AGBL4: variants seen among roughly 807,000 people sequenced by gnomAD.
AGBL4 encodes cytosolic carboxypeptidase 6.
Under a neutral mutation model 66.4 loss-of-function variants are expected in AGBL4, and 58 were observed. The ratio of observed to expected loss-of-function variants is 0.87; its 90% CI spans 0.71 to 1.09. The LOEUF (loss-of-function observed/expected upper bound fraction) is 1.09. Ranked by LOEUF, AGBL4 falls within the 50% of genes least tolerant of loss-of-function variation. AGBL4 has a pLI of 0.00. For missense variants in AGBL4, 579 were observed against 631.0 expected (o/e 0.92, Z 0.88); for synonymous variants, 234 against 222.9 (o/e 1.05, Z -0.44).
At chr1:48,717,219 A>G (rs568911768) in intron 6 of AGBL4, among the ~76,000 whole-genome samples, 1 of 152,284 alleles carries the variant, frequency 6.6e-6, no homozygotes, top group Admixed American at 6.5e-5. Flanking sequence ...ACATTACTGA[A>G]GCCTCTTTTG....
chr1:48,577,371 G>A (rs1644671080), intron 11 of AGBL4, among the ~76,000 whole-genome samples: 1 of 152,186 alleles, frequency 6.6e-6, no homozygotes, highest in Admixed American at 6.5e-5. Context: ...CATCGACTTG[G>A]TTTCCATGGA....
intron 2 of AGBL4, among the ~76,000 whole-genome samples, chr1:49,764,781 A>G (rs568757995): frequency 6.6e-6 from 1 of 152,172 alleles, no homozygotes; most frequent in African/African-American, 2.4e-5. Context: ...AAAGTTATCT[A>G]ATTCAGGCTG....
At chr1:49,635,041 C>G (rs1359073855) in intron 3 of AGBL4, among the ~76,000 whole-genome samples, 1 of 152,128 alleles carries the variant, frequency 6.6e-6, no homozygotes, top group Non-Finnish European at 1.5e-5. Flanking sequence ...TGGATTCAGG[C>G]TAAAGATCAG....
intron 5 of AGBL4, among the ~76,000 whole-genome samples, chr1:49,017,585 C>T (rs1237011642): frequency 6.6e-6 from 1 of 152,048 alleles, no homozygotes; most frequent in Non-Finnish European, 1.5e-5. Flanking sequence ...TCCAAAAAAC[C>T]CTGATGGATT....
intron 2 of AGBL4, among the ~76,000 whole-genome samples, chr1:49,701,476 T>C (rs1397357967): frequency 6.6e-6 from 1 of 152,090 alleles, no homozygotes; most frequent in African/African-American, 2.4e-5. Context: ...TATATAGTTA[T>C]CTCCAAACTC....
intron 3 of AGBL4, among the ~76,000 whole-genome samples, chr1:49,284,457 G>A (rs1644357558): frequency 6.6e-6 from 1 of 151,780 alleles, no homozygotes. Flanking sequence ...GGAAGAAACT[G>A]CATCAACTAA....
At chr1:48,742,560 T>C in intron 6 of AGBL4, 1 of 1,380,712 alleles carries the variant, frequency 7.2e-7, no homozygotes, top group East Asian at 2.7e-5. Flanking sequence ...CCCACCATAC[T>C]CTCCACCTTT....
intron 9 of AGBL4, among the ~76,000 whole-genome samples, chr1:48,601,076 G>C (rs953906549): frequency 1.3e-5 from 2 of 152,244 alleles, no homozygotes; most frequent in Middle Eastern, 3.4e-3. Context: ...TCTGCCTCCT[G>C]CTCCCTTCAG....
At chr1:49,293,028 C>T (rs891949847) in intron 3 of AGBL4, among the ~76,000 whole-genome samples, 5 of 152,238 alleles carry the variant, frequency 3.3e-5, no homozygotes, top group Non-Finnish European at 7.3e-5. Flanking sequence ...AAGCCCAGAC[C>T]TGGGAGCTCC....
At chr1:48,690,696 A>G (rs913900346) in intron 6 of AGBL4, among the ~76,000 whole-genome samples, 4 of 152,144 alleles carry the variant, frequency 2.6e-5, no homozygotes. Context: ...TTTGAACATA[A>G]TCAATGTTGG....
At chr1:49,921,362 T>A (rs1652224530) in intron 1 of AGBL4, among the ~76,000 whole-genome samples, 2 of 152,134 alleles carry the variant, frequency 1.3e-5, no homozygotes, top group African/African-American at 4.8e-5. Flanking sequence ...TGCAATTCAA[T>A]ATATCAAACG....
chr1:49,061,969 G>A (rs1252916868), intron 4 of AGBL4, among the ~76,000 whole-genome samples: 2 of 152,148 alleles, frequency 1.3e-5, no homozygotes, highest in Non-Finnish European at 2.9e-5. Context: ...GGTGAGCTGT[G>A]GGCGAGCAAG....
In AGBL4 at chr1:50,023,699, G is replaced by A. The variant is rs554329177; in HGVS notation, c.34+64C>T. The stretch of plus-strand genomic sequence containing the variant: ...GAGTAGGACCATGCCCGAGTCCCCT[G>A]TTGCCTGAGACCCAGGACAGCCTGG... On this transcript the variant is annotated intron_variant, in intron 1 of 13. Coordinates refer to ENST00000371839, the MANE Select transcript of AGBL4 (RefSeq NM_032785.4). 4.2e-4 allele frequency: 630 copies of A among 1,516,802 alleles called. 3 individuals carry two copies. The East Asian group carries it at 0.015, about 37-fold the overall frequency. 94.0% of individuals were successfully genotyped at this position (1,516,802 alleles called of 1,614,324 possible). A position where few individuals can be genotyped will look rare whatever the true frequency, so the allele number is the denominator to read the frequency against.
intron 4 of AGBL4, among the ~76,000 whole-genome samples, chr1:49,058,364 A>G (rs1644343280): frequency 1.3e-5 from 2 of 152,050 alleles, no homozygotes; most frequent in South Asian, 2.1e-4. Flanking sequence ...TTCTCACAAG[A>G]TCTGATGGTT....
chr1:49,028,493 C>T (rs780527064), intron 5 of AGBL4, among the ~76,000 whole-genome samples: 3 of 152,106 alleles, frequency 2.0e-5, no homozygotes, highest in Non-Finnish European at 4.4e-5. Context: ...GTAGGATAAA[C>T]TCATGGAGAT....
intron 5 of AGBL4, among the ~76,000 whole-genome samples, chr1:48,930,562 G>A (rs1012748576): frequency 2.0e-5 from 3 of 152,090 alleles, no homozygotes; most frequent in African/African-American, 7.2e-5. Flanking sequence ...TTAGGATGAA[G>A]AATAATAGCA....
At chr1:49,951,455 C>T (rs774961059) in intron 1 of AGBL4, among the ~76,000 whole-genome samples, 3 of 151,902 alleles carry the variant, frequency 2.0e-5, no homozygotes, top group Non-Finnish European at 4.4e-5. Context: ...CATAGCCTTA[C>T]ACAGAAAACA....
intron 3 of AGBL4, among the ~76,000 whole-genome samples, chr1:49,287,593 G>A (rs1644444196): frequency 6.6e-6 from 1 of 150,850 alleles, no homozygotes; most frequent in African/African-American, 2.5e-5. Flanking sequence ...CATTTATGCA[G>A]CCAAAAAACA....
intron 2 of AGBL4, among the ~76,000 whole-genome samples, chr1:49,828,471 C>A (rs758363936): frequency 1.1e-4 from 17 of 152,032 alleles, no homozygotes; most frequent in Non-Finnish European, 2.4e-4. Context: ...AAAAATTTGG[C>A]TGAATCAAAC....
Sources: allele counts gnomAD v4.1 joint callset (sites outside exome capture counted in the v4.1 genomes callset), GRCh38; gene constraint gnomAD v4.1.1; transcripts MANE v1.5; gene names NCBI Gene and HGNC (gene_info 2026-07-23, HGNC 2026-07-21).